Variants in GRID2 observed in about 807,000 individuals in gnomAD.
The protein encoded by GRID2 is glutamate receptor ionotropic, delta-2.
GRID2 carries 33 observed loss-of-function variants against 114.8 expected under a neutral mutation model. That is an observed-to-expected ratio of 0.29 (90% CI 0.22 to 0.38). GRID2 has a LOEUF of 0.38. GRID2 is among the 10% of genes least tolerant of loss of function. The probability of loss-of-function intolerance (pLI) is 1.00; values close to 1 mark genes in which losing one functional copy is unlikely to be tolerated. For missense variants in GRID2, 1,184 were observed against 1,257.7 expected (o/e 0.94, Z 0.89); for synonymous variants, 505 against 449.9 (o/e 1.12, Z -1.55).
intron 13 of GRID2, among the ~76,000 whole-genome samples, chr4:93,539,878 T>G (rs1383204517): frequency 3.9e-5 from 6 of 152,192 alleles, no homozygotes; most frequent in South Asian, 4.1e-4. Flanking sequence ...GAAATTTTAC[T>G]GATATGTCCA....
At position 93,303,321 on chromosome 4, in the gene GRID2, G is replaced by A. The variant is rs7671753; in HGVS notation, c.1245+64831G>A. Among the ~76,000 whole-genome samples the A allele has an allele frequency of 2.0e-5, 3 of 152,186 alleles. No homozygotes were observed. The South Asian group carries it at 6.2e-4, about 32-fold the overall frequency. On this transcript the variant is annotated intron_variant, in intron 8 of 15. Transcript: ENST00000282020. ...AAAATATGTCCTAGAAGCTACAAAC[G>A]GAGCATTGTTCCAGAGAGATTTACA...
At chr4:92,897,435 A>T (rs1747252987) in intron 2 of GRID2, among the ~76,000 whole-genome samples, 2 of 152,210 alleles carry the variant, frequency 1.3e-5, no homozygotes, top group South Asian at 2.1e-4. Flanking sequence ...TGTTTTAAAA[A>T]AAAAGTAAGT....
chr4:92,466,026 A>G (rs1384187169), intron 1 of GRID2, among the ~76,000 whole-genome samples: 1 of 151,752 alleles, frequency 6.6e-6, no homozygotes, highest in Non-Finnish European at 1.5e-5. Flanking sequence ...ATAATTGCAC[A>G]TATTTGGGGG....
chr4:93,110,701 C>T, intron 3 of GRID2, 47 bp from the exon 4 acceptor site: 1 of 1,226,212 alleles, frequency 8.2e-7, no homozygotes, highest in Non-Finnish European at 1.2e-6. Flanking sequence ...TGCCTTCCTT[C>T]TGTACAATAA....
chr4:93,238,650 T>C (rs1747100724), intron 8 of GRID2, among the ~76,000 whole-genome samples, 160 bp downstream of exon 8: 1 of 151,722 alleles, frequency 6.6e-6, no homozygotes, highest in Non-Finnish European at 1.5e-5. Context: ...TGACTTTAAA[T>C]ATTTACCAGA....
chr4:93,531,223 G>T (rs1222084763), intron 13 of GRID2, among the ~76,000 whole-genome samples: 2 of 152,188 alleles, frequency 1.3e-5, no homozygotes, highest in Admixed American at 1.3e-4. Flanking sequence ...TTTCCCTCAG[G>T]TGCATAAATT....
chr4:93,403,745 T>C (rs1766141334), intron 9 of GRID2, among the ~76,000 whole-genome samples: 1 of 152,126 alleles, frequency 6.6e-6, no homozygotes, highest in South Asian at 2.1e-4. Flanking sequence ...GGCAAGGATG[T>C]TGAAAAATCA....
intron 13 of GRID2, among the ~76,000 whole-genome samples, chr4:93,529,977 C>T (rs1731283819): frequency 6.6e-6 from 1 of 152,090 alleles, no homozygotes; most frequent in Admixed American, 6.6e-5. Context: ...CTGTTAAAAG[C>T]ATCACTGCCC....
At chr4:93,657,752 T>C (rs1225369801) in intron 14 of GRID2, among the ~76,000 whole-genome samples, 1 of 152,176 alleles carries the variant, frequency 6.6e-6, no homozygotes, top group African/African-American at 2.4e-5. Flanking sequence ...GTGGCTGAGT[T>C]CTTACTCAAA....
intron 1 of GRID2, among the ~76,000 whole-genome samples, chr4:93,797,947 G>T (rs1160890626): frequency 1.3e-5 from 2 of 151,544 alleles, no homozygotes; most frequent in Admixed American, 6.6e-5. Context: ...GAGGTCAGGA[G>T]TTCCAGACCA....
chr4:93,445,203 C>T (rs1721984468), intron 10 of GRID2, among the ~76,000 whole-genome samples: 1 of 151,938 alleles, frequency 6.6e-6, no homozygotes, highest in Non-Finnish European at 1.5e-5. Flanking sequence ...CCTCTAAAGA[C>T]ATGAGTTGGA....
intron 12 of GRID2, among the ~76,000 whole-genome samples, chr4:93,493,605 C>G (rs537339127): frequency 2.6e-5 from 4 of 151,152 alleles, no homozygotes; most frequent in African/African-American, 9.7e-5. Flanking sequence ...TGGTATTTCT[C>G]TGAGGTTGCA....
chr4:92,888,157 TTC>T (rs1746503499), intron 2 of GRID2, among the ~76,000 whole-genome samples: 1 of 152,162 alleles, frequency 6.6e-6, no homozygotes, highest in South Asian at 2.1e-4. Flanking sequence ...TATTTCATCT[TTC>T]TCAACTTTCT....
chr4:93,338,746 A>T (rs528998672), intron 8 of GRID2, among the ~76,000 whole-genome samples: 1 of 152,152 alleles, frequency 6.6e-6, no homozygotes, highest in Non-Finnish European at 1.5e-5. Context: ...AGTTCTATAC[A>T]TTATCTTCTG....
intron 2 of GRID2, among the ~76,000 whole-genome samples, chr4:92,900,173 A>T (rs1204936509): frequency 6.6e-6 from 1 of 152,174 alleles, no homozygotes; most frequent in African/African-American, 2.4e-5. Flanking sequence ...ACTCTGAGTG[A>T]CACAAAGTGG....
At chr4:93,603,363 T>C (rs567026822) in intron 13 of GRID2, among the ~76,000 whole-genome samples, 1 of 152,326 alleles carries the variant, frequency 6.6e-6, no homozygotes, top group South Asian at 2.1e-4. Context: ...CTAACTTTTT[T>C]CAATTCTATT....
intron 11 of GRID2, among the ~76,000 whole-genome samples, chr4:93,472,192 C>T (rs185794923): frequency 1.3e-4 from 19 of 151,608 alleles, no homozygotes; most frequent in Admixed American, 3.9e-4. Flanking sequence ...AGCATGGTGG[C>T]GCATGCCTGT....
At chr4:93,476,336 T>G (rs977597664) in intron 11 of GRID2, among the ~76,000 whole-genome samples, 1 of 152,124 alleles carries the variant, frequency 6.6e-6, no homozygotes, top group African/African-American at 2.4e-5. Flanking sequence ...GGATGATATA[T>G]AAATTGTCTT....
chr4:92,873,403 C>T (rs1241770298), intron 2 of GRID2, among the ~76,000 whole-genome samples: 1 of 150,742 alleles, frequency 6.6e-6, no homozygotes, highest in African/African-American at 2.4e-5. Context: ...CTAACTTCAA[C>T]TTTTTTTTTA....
Sources: allele counts gnomAD v4.1 joint callset (sites outside exome capture counted in the v4.1 genomes callset), GRCh38; gene constraint gnomAD v4.1.1; transcripts MANE v1.5; gene names NCBI Gene and HGNC (gene_info 2026-07-23, HGNC 2026-07-21).